SEMA6D: variants seen among roughly 807,000 people sequenced by gnomAD.
SEMA6D encodes the protein semaphorin 6D, also known as semaphorin-6D.
A neutral mutation model predicts 106.6 loss-of-function variants in SEMA6D; 35 were observed. The ratio of observed to expected loss-of-function variants is 0.33; its 90% confidence interval spans 0.25 to 0.44. The LOEUF (loss-of-function observed/expected upper bound fraction) is 0.44, where lower values mean the gene tolerates loss of function less well. Ranked by LOEUF, SEMA6D falls within the 20% of genes least tolerant of loss-of-function variation. SEMA6D has a pLI of 1.00. For missense variants in SEMA6D, 1,185 were observed against 1,345.9 expected, an observed-to-expected ratio of 0.88 and a Z score of 1.87; for synonymous variants, 499 against 487.7, an observed-to-expected ratio of 1.02 and a Z score of -0.31.
chr15:47,256,543 A>G (rs894547336), intron 1 of SEMA6D, among the ~76,000 whole-genome samples: 1 of 152,172 alleles, frequency 6.6e-6, no homozygotes, highest in Non-Finnish European at 1.5e-5. Context: ...CTGATCTTGT[A>G]TTTTGTGACC....
chr15:47,496,839 AT>A (rs2141531826), intron 3 of SEMA6D, among the ~76,000 whole-genome samples: 1 of 152,072 alleles, frequency 6.6e-6, no homozygotes, highest in South Asian at 2.1e-4. Flanking sequence ...AGTTCCAAAA[AT>A]TTTTGGATGC....
chr15:47,275,510 TTATTA>T (rs376920623), intron 1 of SEMA6D, among the ~76,000 whole-genome samples: 8 of 152,278 alleles, frequency 5.3e-5, no homozygotes, highest in African/African-American at 1.9e-4. Flanking sequence ...TTTTTCATTA[TTATTA>T]TATTTGTTTT....
intron 1 of SEMA6D, among the ~76,000 whole-genome samples, chr15:47,267,921 C>T (rs952831103): frequency 1.3e-5 from 2 of 151,964 alleles, no homozygotes; most frequent in East Asian, 3.9e-4. Context: ...ATAACTGCAT[C>T]ATTTGTATGC....
chr15:47,354,063 C>A (rs1467904311), intron 1 of SEMA6D, among the ~76,000 whole-genome samples: 1 of 150,852 alleles, frequency 6.6e-6, no homozygotes, highest in Non-Finnish European at 1.5e-5. Flanking sequence ...CTCTCTCTCT[C>A]TACATATATA....
At chr15:47,518,342 A>G (rs941015127) in intron 3 of SEMA6D, among the ~76,000 whole-genome samples, 1 of 152,214 alleles carries the variant, frequency 6.6e-6, no homozygotes, top group African/African-American at 2.4e-5. Context: ...TATTTGCTAA[A>G]GGATCATGAG....
At chr15:47,636,007 G>A (rs1313722984) in intron 4 of SEMA6D, among the ~76,000 whole-genome samples, 1 of 151,158 alleles carries the variant, frequency 6.6e-6, no homozygotes, top group Non-Finnish European at 1.5e-5. Flanking sequence ...CCATTTAAGG[G>A]CCTCAAGCAC....
At chr15:47,250,434 A>G (rs12443168) in intron 1 of SEMA6D, among the ~76,000 whole-genome samples, 62,615 of 151,738 alleles carry the variant, frequency 0.41, 15,984 homozygotes, top group Non-Finnish European at 0.56. Flanking sequence ...ACCTTTAGCA[A>G]ATCCTGAAGA....
chr15:47,553,278 A>C (rs2045818280), intron 3 of SEMA6D, among the ~76,000 whole-genome samples: 2 of 152,034 alleles, frequency 1.3e-5, no homozygotes, highest in South Asian at 2.1e-4. Flanking sequence ...AAAAATTGTC[A>C]CACTTTAAAT....
chr15:47,503,949 C>T (rs1001603589), intron 3 of SEMA6D, among the ~76,000 whole-genome samples: 1 of 152,160 alleles, frequency 6.6e-6, no homozygotes, highest in Non-Finnish European at 1.5e-5. Context: ...TAAGAACAGG[C>T]CATTTTTCTA....
At chr15:47,737,189 C>T (rs1158328121) in intron 1 of SEMA6D, among the ~76,000 whole-genome samples, 5 of 152,090 alleles carry the variant, frequency 3.3e-5, no homozygotes, top group Non-Finnish European at 7.4e-5. Flanking sequence ...ACCCACAGTA[C>T]AAATAAAACA....
intron 2 of SEMA6D, among the ~76,000 whole-genome samples, chr15:47,445,701 G>C (rs2042007470): frequency 6.6e-6 from 1 of 151,492 alleles, no homozygotes; most frequent in Non-Finnish European, 1.5e-5. Context: ...TTAGTAAGAG[G>C]CTTTTTTTCA....
intron 4 of SEMA6D, among the ~76,000 whole-genome samples, chr15:47,695,609 A>T (rs981128244): frequency 6.6e-6 from 1 of 152,140 alleles, no homozygotes; most frequent in East Asian, 1.9e-4. Context: ...TTATCATCTG[A>T]TGTCTGCCCT....
At chr15:47,564,476 T>G (rs528339253) in intron 3 of SEMA6D, among the ~76,000 whole-genome samples, 7 of 152,246 alleles carry the variant, frequency 4.6e-5, no homozygotes, top group Non-Finnish European at 8.8e-5. Flanking sequence ...GAATTTTTTT[T>G]ATAACTTGTT....
At chr15:47,309,615 T>C (rs993229668) in intron 1 of SEMA6D, among the ~76,000 whole-genome samples, 5 of 152,154 alleles carry the variant, frequency 3.3e-5, no homozygotes, top group Non-Finnish European at 5.9e-5. Context: ...TGGTTTTGTC[T>C]ATCTACTAGG....
At chr15:47,763,542 A>G (rs1597063560) in intron 9 of SEMA6D, among the ~76,000 whole-genome samples, 1 of 152,298 alleles carries the variant, frequency 6.6e-6, no homozygotes, top group East Asian at 1.9e-4. Context: ...GAAAGATGAC[A>G]TGTTTCATTA....
intron 3 of SEMA6D, among the ~76,000 whole-genome samples, chr15:47,545,209 C>G (rs2045481962): frequency 6.6e-6 from 1 of 152,098 alleles, no homozygotes; most frequent in Non-Finnish European, 1.5e-5. Context: ...GAACATCAAT[C>G]TGCTTTGATT....
At chr15:47,633,173 T>C (rs1027684806) in intron 4 of SEMA6D, among the ~76,000 whole-genome samples, 8 of 152,166 alleles carry the variant, frequency 5.3e-5, no homozygotes, top group African/African-American at 1.7e-4. Flanking sequence ...GAGAAGTAGA[T>C]ACTTGATTAT....
intron 1 of SEMA6D, among the ~76,000 whole-genome samples, chr15:47,187,857 G>A (rs553828233): frequency 2.0e-5 from 3 of 152,156 alleles, no homozygotes; most frequent in Admixed American, 6.5e-5. Context: ...ATTAAACCTG[G>A]AGTCAGGACT....
rs566896570 is a variant in SEMA6D at position 47,320,750 on chromosome 15, G to C, written c.-238-91643G>C. Among the ~76,000 whole-genome samples the C allele has an allele frequency of 2.0e-5, 3 of 152,230 alleles. No homozygotes were observed. In the South Asian group the frequency reaches 6.2e-4, roughly 32 times the overall value. On this transcript the variant is annotated intron_variant, in intron 1 of 19. Transcript: ENST00000558014. The stretch of plus-strand genomic sequence containing the variant: ...AGGCTTAAACATTACCTCCTCTCCA[G>C]AGTCTCCCTCTTCCATGCAGGAAGA...
Sources: allele counts gnomAD v4.1 joint callset (sites outside exome capture counted in the v4.1 genomes callset), GRCh38; gene constraint gnomAD v4.1.1; transcripts MANE v1.5; gene names NCBI Gene and HGNC (gene_info 2026-07-23, HGNC 2026-07-21).